CDH4: variants seen among roughly 807,000 people sequenced by gnomAD.
CDH4 encodes cadherin 4.
CDH4 carries 33 observed loss-of-function variants against 86.0 expected under a neutral mutation model. The ratio of observed to expected loss-of-function variants is 0.38; its 90% CI spans 0.29 to 0.51. CDH4 has a LOEUF of 0.51. CDH4 is among the 20% of genes least tolerant of loss of function. CDH4 has a pLI of 0.86. For missense variants in CDH4, 1,114 were observed against 1,307.4 expected, an observed-to-expected ratio of 0.85 and a Z score of 2.28; for synonymous variants, 555 against 549.4, an observed-to-expected ratio of 1.01 and a Z score of -0.14.
At chr20:61,315,307 A>G (rs902850964) in intron 2 of CDH4, among the ~76,000 whole-genome samples, 1 of 152,218 alleles carries the variant, frequency 6.6e-6, no homozygotes, top group Non-Finnish European at 1.5e-5. Flanking sequence ...GGAAGATGCC[A>G]GACCGATGCC....
Position 61,393,110 on chromosome 20 carries a change from T to C in CDH4, c.169+138173T>C, listed in dbSNP as rs1600934745. Among the ~76,000 whole-genome samples the C allele has an allele frequency of 1.3e-5, 2 of 152,194 alleles. No homozygotes were observed. Among genetic ancestry groups the C allele is most frequent in the African/African-American group, 4.8e-5 (2 of 41,452 alleles). The stretch of plus-strand genomic sequence containing the variant: ...TGAATTGATTCCCACTGAATCTCTG[T>C]AGAAATATCCTCTTTATTATCTCAT... On this transcript the variant is annotated intron_variant, in intron 2 of 15. Coordinates refer to ENST00000614565, the MANE Select transcript of CDH4 (RefSeq NM_001794.5). The surrounding 1 kb of genome is among the most constrained non-coding windows in gnomAD (Gnocchi z 4.3).
intron 2 of CDH4, among the ~76,000 whole-genome samples, chr20:61,655,299 A>G (rs2087175268): frequency 6.6e-6 from 1 of 152,158 alleles, no homozygotes; most frequent in Non-Finnish European, 1.5e-5. Context: ...TGTGCCCTGT[A>G]GTTTCCAGTG....
At chr20:61,320,530 A>C in intron 2 of CDH4, among the ~76,000 whole-genome samples, 1 of 151,920 alleles carries the variant, frequency 6.6e-6, no homozygotes, top group East Asian at 1.9e-4. Flanking sequence ...GAGGGTCTCA[A>C]CTGGGACAGT....
intron 2 of CDH4, among the ~76,000 whole-genome samples, chr20:61,494,040 C>A (rs1474033748): frequency 6.6e-6 from 1 of 152,184 alleles, no homozygotes; most frequent in Non-Finnish European, 1.5e-5. Context: ...AGACAAAGAG[C>A]AGGCTGGGGA....
intron 2 of CDH4, among the ~76,000 whole-genome samples, chr20:61,326,765 T>G (rs1286166460): frequency 6.6e-6 from 1 of 152,202 alleles, no homozygotes; most frequent in Non-Finnish European, 1.5e-5. Context: ...AATGAGGTTT[T>G]TTTTTCATTT....
chr20:61,385,667 C>T (rs1449370620), intron 2 of CDH4, among the ~76,000 whole-genome samples: 1 of 152,106 alleles, frequency 6.6e-6, no homozygotes, highest in Non-Finnish European at 1.5e-5. Context: ...TGTTGCTGTC[C>T]ACGCTGTATC....
chr20:61,497,335 T>C (rs957831186), intron 2 of CDH4, among the ~76,000 whole-genome samples: 1 of 152,218 alleles, frequency 6.6e-6, no homozygotes, highest in Admixed American at 6.5e-5. Context: ...TAATTTGTTT[T>C]AGAATTCTAT....
intron 2 of CDH4, among the ~76,000 whole-genome samples, chr20:61,507,820 T>C (rs187812241): frequency 1.2e-4 from 19 of 152,352 alleles, no homozygotes; most frequent in Admixed American, 1.2e-3. Context: ...TTCTAACAAG[T>C]GTTCCATACT....
intron 4 of CDH4, among the ~76,000 whole-genome samples, chr20:61,782,174 T>G (rs1386811205): frequency 6.6e-6 from 1 of 152,118 alleles, no homozygotes; most frequent in Non-Finnish European, 1.5e-5. Context: ...CTGGGTGTGG[T>G]GGCACATGCC....
At chr20:61,546,940 C>T (rs985672327) in intron 2 of CDH4, among the ~76,000 whole-genome samples, 9 of 152,202 alleles carry the variant, frequency 5.9e-5, no homozygotes, top group South Asian at 4.1e-4. Context: ...TCCGTGCCCA[C>T]GCTCCAGGAC....
At chr20:61,253,876 C>A (rs1000334408) in intron 1 of CDH4, among the ~76,000 whole-genome samples, 2 of 152,170 alleles carry the variant, frequency 1.3e-5, no homozygotes, top group African/African-American at 4.8e-5. Context: ...CTGCCCGGTG[C>A]GGGCTGCACC....
intron 4 of CDH4, among the ~76,000 whole-genome samples, chr20:61,789,756 AT>A (rs1979071794): frequency 6.6e-6 from 1 of 152,174 alleles, no homozygotes; most frequent in Admixed American, 6.5e-5. Context: ...CCCACTCACC[AT>A]TGCCCCTGGG....
At chr20:61,630,010 G>A (rs866089035) in intron 2 of CDH4, among the ~76,000 whole-genome samples, 10 of 152,118 alleles carry the variant, frequency 6.6e-5, no homozygotes, top group South Asian at 4.1e-4. Context: ...CCCGGGCTCC[G>A]AGGCGGTGTG....
Position 61,879,578 on chromosome 20 carries a change from G to T in CDH4, c.1050+5678G>T, listed in dbSNP as rs921057909. ...GCGCTTCTACTTGATTAAGATGTCA[G>T]GAGAGGCTTCGATAAGACCTGAGCG... On this transcript the variant is annotated intron_variant, in intron 7 of 15. Coordinates refer to ENST00000614565, the MANE Select transcript of CDH4 (RefSeq NM_001794.5). This position sits in a 1 kb window ranked among gnomAD's most constrained non-coding sequence, Gnocchi z 4.1. 1.3e-5 allele frequency among the ~76,000 whole-genome samples: 2 copies of T among 152,158 alleles called. No individual in the cohort carries two copies. The highest frequency in any genetic ancestry group is 2.4e-5 in the African/African-American group (1 of 41,434).
chr20:61,769,300 G>A (rs1171036222), intron 3 of CDH4, among the ~76,000 whole-genome samples: 1 of 152,204 alleles, frequency 6.6e-6, no homozygotes, highest in Non-Finnish European at 1.5e-5. Context: ...CTAGGAACCT[G>A]CATTCCTAAT....
chr20:61,305,519 G>T (rs6101302), intron 2 of CDH4, among the ~76,000 whole-genome samples: 1 of 152,328 alleles, frequency 6.6e-6, no homozygotes, highest in South Asian at 2.1e-4. Context: ...AGGTCCTCAC[G>T]ACATTCCAAG....
At chr20:61,696,651 C>A (rs1429180762) in intron 2 of CDH4, among the ~76,000 whole-genome samples, 1 of 152,232 alleles carries the variant, frequency 6.6e-6, no homozygotes, top group Non-Finnish European at 1.5e-5. Context: ...CTCTGACCCA[C>A]TACCCTCCAT....
intron 2 of CDH4, among the ~76,000 whole-genome samples, chr20:61,307,612 A>G (rs1287814902): frequency 1.3e-5 from 2 of 152,258 alleles, no homozygotes; most frequent in African/African-American, 4.8e-5. Context: ...CACCTGCCCC[A>G]GGCAGGAATC....
intron 2 of CDH4, among the ~76,000 whole-genome samples, chr20:61,432,398 G>A (rs2145517321): frequency 6.6e-6 from 1 of 152,204 alleles, no homozygotes; most frequent in African/African-American, 2.4e-5. Flanking sequence ...ACAATATTAG[G>A]CATATTTTCA....
Sources: allele counts gnomAD v4.1 joint callset (sites outside exome capture counted in the v4.1 genomes callset), GRCh38; gene constraint gnomAD v4.1.1; non-coding constraint Gnocchi (gnomAD v3.1); transcripts MANE v1.5; gene names NCBI Gene and HGNC (gene_info 2026-07-23, HGNC 2026-07-21).